MARK3: variants seen among roughly 807,000 people sequenced by gnomAD.
MARK3 encodes MAP/microtubule affinity-regulating kinase 3.
In MARK3, 46 loss-of-function variants were observed where a neutral mutation model predicts 90.1. That is an observed-to-expected ratio of 0.51 (90% CI 0.40 to 0.65). MARK3 has a LOEUF of 0.65. MARK3 is among the 30% of genes least tolerant of loss of function. The pLI is 0.00. For missense variants in MARK3, 818 were observed against 947.2 expected (o/e 0.86, Z 1.79); for synonymous variants, 321 against 332.6 (o/e 0.97, Z 0.38).
chr14:103,499,824 C>CTG (rs765028493), intron 16 of MARK3: 10 of 284,788 alleles, frequency 3.5e-5, no homozygotes, highest in Non-Finnish European at 6.7e-5. Context: ...TGTGCTCAGG[C>CTG]TGAAGAGCCA....
At chr14:103,475,838 A>G (rs1225931293) in intron 13 of MARK3, among the ~76,000 whole-genome samples, 1 of 151,862 alleles carries the variant, frequency 6.6e-6, no homozygotes, top group Non-Finnish European at 1.5e-5. Context: ...CCAGCTGCTC[A>G]GGAGGCTGAG....
At position 103,385,465 on chromosome 14, in the gene MARK3, A is replaced by G. The variant is rs897807324; in HGVS notation, c.-565A>G. 5.2e-5 allele frequency: 8 copies of G among 154,700 alleles called. No homozygotes were observed. Among genetic ancestry groups the G allele is most frequent in the South Asian group, 1.7e-4 (1 of 5,740 alleles). The allele number at this position is 154,700 out of a possible 1,614,324, so 9.6% of individuals were successfully genotyped here. Reference sequence around the variant, plus strand: ...GGGTGCGGCGGCGGCAGCGGCGGCCAGCAGGGCGGAGGCTGAGGCAGCAAG... The same window carrying G: ...GGGTGCGGCGGCGGCAGCGGCGGCCGGCAGGGCGGAGGCTGAGGCAGCAAG... On this transcript the variant is annotated 5_prime_UTR_variant, in exon 1 of 18. Coordinates refer to ENST00000429436, the MANE Select transcript of MARK3 (RefSeq NM_001128918.3).
At position 103,406,369 on chromosome 14, in the gene MARK3, C is replaced by T. The variant is rs537491796; in HGVS notation, c.243+1102C>T. Among the ~76,000 whole-genome samples the T allele has an allele frequency of 8.6e-5, 13 of 151,078 alleles. No homozygotes were observed. In the East Asian group the frequency reaches 1.6e-3, roughly 18 times the overall value. On this transcript the variant is annotated intron_variant, in intron 2 of 17. Coordinates refer to ENST00000429436, the MANE Select transcript of MARK3 (RefSeq NM_001128918.3). The stretch of plus-strand genomic sequence containing the variant: ...CCTCCTGAGTAGCTGAGATTACAGG[C>T]GCACACCACCACGCCTGGCTAATTA...
At chr14:103,419,628 T>A (rs568664220) in intron 2 of MARK3, among the ~76,000 whole-genome samples, 1 of 152,102 alleles carries the variant, frequency 6.6e-6, no homozygotes, top group African/African-American at 2.4e-5. Flanking sequence ...TATAAAGAAA[T>A]GTAGCTACAA....
chr14:103,465,952 T>C lies in MARK3; in HGVS notation c.778-20T>C. 1 of 1,598,260 alleles carries C rather than the reference T, an allele frequency of 6.3e-7. No individual in the cohort carries two copies. The highest frequency in any genetic ancestry group is 8.5e-7 in the Non-Finnish European group (1 of 1,174,574). On this transcript the variant is annotated intron_variant, in intron 8 of 17. Transcript: ENST00000429436. ...TAAAGGTTGACTTACTCGTTTTCTT[T>C]CCTCTGTACCTCTCCAAAGGAACTG...
At chr14:103,387,712 A>G (rs2089921917) in intron 1 of MARK3, among the ~76,000 whole-genome samples, 1 of 151,718 alleles carries the variant, frequency 6.6e-6, no homozygotes, top group African/African-American at 2.4e-5. Flanking sequence ...AGGCTGGTCT[A>G]GAACTCCTGG....
chr14:103,390,283 G>A (rs1284038505), intron 1 of MARK3, among the ~76,000 whole-genome samples: 1 of 152,114 alleles, frequency 6.6e-6, no homozygotes, highest in East Asian at 1.9e-4. Flanking sequence ...TCGTGTTATA[G>A]CTCAAAAGAA....
chr14:103,437,126 ATGTT>A (rs1034023093), intron 3 of MARK3, among the ~76,000 whole-genome samples: 2 of 151,556 alleles, frequency 1.3e-5, no homozygotes, highest in African/African-American at 4.8e-5. Flanking sequence ...AACTGTATAT[ATGTT>A]TGTTTATTTT....
intron 9 of MARK3, 40 bp from the exon 10 acceptor site, chr14:103,466,303 T>C (rs1295192573): frequency 6.9e-7 from 1 of 1,449,556 alleles, no homozygotes; most frequent in Non-Finnish European, 9.6e-7. Flanking sequence ...TATCAGAATA[T>C]TTCATTTTAC....
chr14:103,457,647 C>G (rs974361278), intron 6 of MARK3, among the ~76,000 whole-genome samples: 1 of 152,172 alleles, frequency 6.6e-6, no homozygotes, highest in Non-Finnish European at 1.5e-5. Context: ...TGTTTTTACT[C>G]TGCTTTTTAA....
intron 2 of MARK3, among the ~76,000 whole-genome samples, chr14:103,408,423 A>G (rs906392778): frequency 2.6e-5 from 4 of 152,190 alleles, no homozygotes; most frequent in African/African-American, 9.6e-5. Context: ...TCCTGATGTC[A>G]GGTGATCCAC....
In MARK3 at chr14:103,503,258, A is replaced by T; in HGVS notation, c.*31A>T. ...TGATTATGATGTAAATTAAGTAGCA[A>T]TTAAAGTGTTTTCCTGAACACTGAT... is the stretch of plus-strand genomic sequence containing the variant. On this transcript the variant is annotated 3_prime_UTR_variant, in exon 18 of 18. Coordinates refer to ENST00000429436, the MANE Select transcript of MARK3 (RefSeq NM_001128918.3). 1 of 1,544,168 alleles carries T rather than the reference A, an allele frequency of 6.5e-7. No individual in the cohort carries two copies. The highest frequency in any genetic ancestry group is 8.9e-7 in the Non-Finnish European group (1 of 1,128,484).
intron 3 of MARK3, among the ~76,000 whole-genome samples, chr14:103,435,838 C>T (rs1230134369): frequency 1.3e-5 from 2 of 152,172 alleles, no homozygotes; most frequent in Non-Finnish European, 2.9e-5. Flanking sequence ...CCACCTCAGC[C>T]TCCTGAGGTA....
At chr14:103,489,791 G>A (rs2093986978) in intron 14 of MARK3, 1 of 152,168 alleles carries the variant, frequency 6.6e-6, no homozygotes, top group Non-Finnish European at 1.5e-5. Context: ...CATGATTACT[G>A]AGCTGGAATT....
At chr14:103,485,587 T>C (rs1278306066) in intron 14 of MARK3, among the ~76,000 whole-genome samples, 3 of 152,200 alleles carry the variant, frequency 2.0e-5, no homozygotes, top group Admixed American at 1.3e-4. Flanking sequence ...ACTATATTTT[T>C]AATTCTGCTT....
intron 16 of MARK3, chr14:103,498,902 G>T (rs1409284308): frequency 6.4e-6 from 1 of 155,680 alleles, no homozygotes; most frequent in Non-Finnish European, 1.4e-5. Context: ...CATGCAAAAG[G>T]TAAGTATTAG....
At chr14:103,465,446 A>G in intron 7 of MARK3, 111 bp from the exon 8 acceptor site, 1 of 681,186 alleles carries the variant, frequency 1.5e-6, no homozygotes. Context: ...CACATTAATT[A>G]GGAGGTAACT....
chr14:103,421,861 A>T (rs2092235024), intron 2 of MARK3, among the ~76,000 whole-genome samples: 1 of 152,200 alleles, frequency 6.6e-6, no homozygotes, highest in South Asian at 2.1e-4. Context: ...ATCTTTAACC[A>T]ATGTCCTCAT....
At chr14:103,454,276 AG>A (rs1371332596) in intron 5 of MARK3, among the ~76,000 whole-genome samples, 1 of 151,030 alleles carries the variant, frequency 6.6e-6, no homozygotes, top group African/African-American at 2.4e-5. Flanking sequence ...TTTTGGAGAC[AG>A]GGTCTCACTC....
Sources: gnomAD v4.1 joint callset for allele counts (sites outside exome capture counted in the v4.1 genomes callset) on GRCh38, gnomAD v4.1.1 for gene constraint, MANE v1.5 for transcripts, NCBI Gene and HGNC (gene_info 2026-07-23, HGNC 2026-07-21) for gene names.